The following LRFN2 variants were observed in gnomAD, a reference collection of about 807,000 sequenced individuals.
LRFN2 encodes the protein leucine-rich repeat and fibronectin type-III domain-containing protein 2.
Under a neutral mutation model 37.3 loss-of-function variants are expected in LRFN2, and 18 were observed. That is an observed-to-expected ratio of 0.48 (90% CI 0.33 to 0.72). The LOEUF is 0.72. Ranked by LOEUF, LRFN2 falls within the 30% of genes least tolerant of loss-of-function variation. The probability of loss-of-function intolerance (pLI) is 0.02; values close to 1 mark genes in which losing one functional copy is unlikely to be tolerated. For missense variants in LRFN2, 1,006 were observed against 1,060.7 expected, an observed-to-expected ratio of 0.95 and a Z score of 0.72; for synonymous variants, 556 against 466.6, an observed-to-expected ratio of 1.19 and a Z score of -2.47.
At chr6:40,558,923 C>T (rs1179467070) in intron 1 of LRFN2, among the ~76,000 whole-genome samples, 4 of 152,176 alleles carry the variant, frequency 2.6e-5, no homozygotes, top group African/African-American at 9.6e-5. Context: ...AGGATGCATG[C>T]TTGAGAGTAG....
At chr6:40,468,590 GTAGT>G (rs1764524685) in intron 1 of LRFN2, among the ~76,000 whole-genome samples, 4 of 151,856 alleles carry the variant, frequency 2.6e-5, no homozygotes, top group Non-Finnish European at 5.9e-5. Flanking sequence ...AGCGCAAAGA[GTAGT>G]GAGATTAAAC....
At chr6:40,510,631 C>T (rs1327825464) in intron 1 of LRFN2, among the ~76,000 whole-genome samples, 2 of 152,246 alleles carry the variant, frequency 1.3e-5, no homozygotes, top group African/African-American at 4.8e-5. Flanking sequence ...AGGGAGTTTA[C>T]ATTCAAACAC....
chr6:40,511,604 G>A (rs1280489368), intron 1 of LRFN2, among the ~76,000 whole-genome samples: 1 of 152,118 alleles, frequency 6.6e-6, no homozygotes, highest in Non-Finnish European at 1.5e-5. Context: ...GAGACATTAT[G>A]GCAAGAGGGA....
chr6:40,438,548 C>T (rs983998759), intron 1 of LRFN2, among the ~76,000 whole-genome samples: 19 of 152,190 alleles, frequency 1.2e-4, no homozygotes, highest in African/African-American at 4.6e-4. Flanking sequence ...CTGGACAGAA[C>T]CACAATTTAA....
At chr6:40,521,351 C>G (rs1337576222) in intron 1 of LRFN2, among the ~76,000 whole-genome samples, 1 of 152,140 alleles carries the variant, frequency 6.6e-6, no homozygotes, top group Non-Finnish European at 1.5e-5. Flanking sequence ...GTCCCAGGCA[C>G]CTGTAAGCTG....
intron 1 of LRFN2, among the ~76,000 whole-genome samples, chr6:40,500,610 T>C (rs1036131666): frequency 6.6e-6 from 1 of 152,228 alleles, no homozygotes; most frequent in African/African-American, 2.4e-5. Flanking sequence ...ATAGTGTTGT[T>C]TGTAATAACG....
intron 1 of LRFN2, among the ~76,000 whole-genome samples, chr6:40,440,446 G>A (rs1016817251): frequency 6.6e-6 from 1 of 152,192 alleles, no homozygotes; most frequent in Non-Finnish European, 1.5e-5. Flanking sequence ...ACCTGGCACT[G>A]AGTAGGCACC....
At chr6:40,479,307 A>G (rs1472060266) in intron 1 of LRFN2, among the ~76,000 whole-genome samples, 1 of 152,174 alleles carries the variant, frequency 6.6e-6, no homozygotes, top group Non-Finnish European at 1.5e-5. Context: ...CAGCCTAGTC[A>G]TAGCAACCAC....
In LRFN2 at chr6:40,446,351, A is replaced by G. The variant is rs1262246737; in HGVS notation, c.-18-13220T>C. On this transcript the variant is annotated intron_variant, in intron 1 of 2. Coordinates refer to ENST00000338305, the MANE Select transcript of LRFN2 (RefSeq NM_020737.3). ...TCCAAGGCAAAAGTGGCTAGGGCCC[A>G]CGAAGGCCATAATGCAGCCCTGCTC... Among the ~76,000 whole-genome samples the G allele has an allele frequency of 3.3e-5, 5 of 152,350 alleles. No individual in the cohort carries two copies. In the East Asian group the frequency reaches 9.7e-4, roughly 29 times the overall value.
chr6:40,441,843 G>A (rs189130007), intron 1 of LRFN2, among the ~76,000 whole-genome samples: 7 of 152,272 alleles, frequency 4.6e-5, no homozygotes, highest in African/African-American at 1.7e-4. Flanking sequence ...CACTGCCCAT[G>A]TTTCAAGCAT....
intron 1 of LRFN2, among the ~76,000 whole-genome samples, chr6:40,523,317 C>T (rs967184753): frequency 2.6e-5 from 4 of 152,068 alleles, no homozygotes; most frequent in East Asian, 1.9e-4. Context: ...CTTGATGCAT[C>T]GCCCACCTAA....
At chr6:40,583,102 G>A (rs1168737143) in intron 1 of LRFN2, among the ~76,000 whole-genome samples, 3 of 151,946 alleles carry the variant, frequency 2.0e-5, no homozygotes, top group Non-Finnish European at 2.9e-5. Context: ...CGCCCCCAAG[G>A]GGGCAAAAAT....
intron 2 of LRFN2, among the ~76,000 whole-genome samples, chr6:40,416,749 A>G (rs76615228): frequency 0.019 from 2,875 of 152,208 alleles, 92 homozygotes; most frequent in African/African-American, 0.065. Flanking sequence ...CTGCTAGGGC[A>G]TCCACTGTGC....
rs142708188 is a variant in LRFN2 at position 40,392,740 on chromosome 6, T to G, written c.1573A>C (p.Met525Leu). 1.2e-6 allele frequency: 2 copies of G among 1,613,992 alleles called. No individual in the cohort carries two copies. Among genetic ancestry groups the G allele is most frequent in the Admixed American group, 3.3e-5 (2 of 60,002 alleles). The change falls in exon 3 of 3, where the codon ATG (methionine) becomes CTG (leucine). Residue 525 changes from methionine (M) to leucine (L), a missense_variant. Coordinates refer to ENST00000338305, the MANE Select transcript of LRFN2 (RefSeq NM_020737.3). The surrounding 1 kb of genome is among the most constrained non-coding windows in gnomAD (Gnocchi z 4.7). ...GTGCCGCCCAGAATCTGGCTGTGCA[T>G]GGACTGGCACTGCGGGTAGTCAGCC... is the stretch of plus-strand genomic sequence containing the variant. Reference protein sequence around the residue: ...TKADYPQCQSMHSQILGGTMI... With the variant: ...TKADYPQCQSLHSQILGGTMI...
chr6:40,446,626 A>G (rs112046430), intron 1 of LRFN2, among the ~76,000 whole-genome samples: 52 of 152,226 alleles, frequency 3.4e-4, no homozygotes, highest in African/African-American at 1.2e-3. Flanking sequence ...GCTGAGCTCC[A>G]TACAGAATCT....
chr6:40,443,896 G>C (rs893133564), intron 1 of LRFN2, among the ~76,000 whole-genome samples: 3 of 152,186 alleles, frequency 2.0e-5, no homozygotes, highest in Non-Finnish European at 4.4e-5. Context: ...TCAGGGCATA[G>C]CCATGGGAGA....
intron 1 of LRFN2, among the ~76,000 whole-genome samples, chr6:40,456,534 C>T (rs1764240046): frequency 6.6e-6 from 1 of 152,136 alleles, no homozygotes. Context: ...TGGCCAAGGC[C>T]ACAAAATAAT....
At chr6:40,498,580 A>G (rs770229691) in intron 1 of LRFN2, among the ~76,000 whole-genome samples, 3 of 152,256 alleles carry the variant, frequency 2.0e-5, no homozygotes, top group Non-Finnish European at 4.4e-5. Context: ...TTCAGGCACC[A>G]AGATATCCAA....
chr6:40,481,439 CAAAAAA>C (rs11384253), intron 1 of LRFN2, among the ~76,000 whole-genome samples: 1 of 119,356 alleles, frequency 8.4e-6, no homozygotes, highest in Non-Finnish European at 1.7e-5. Flanking sequence ...AAGATTGTCT[CAAAAAA>C]AAAAAAAAAA....
Sources: allele counts gnomAD v4.1 joint callset (sites outside exome capture counted in the v4.1 genomes callset), GRCh38; gene constraint gnomAD v4.1.1; non-coding constraint Gnocchi (gnomAD v3.1); transcripts MANE v1.5; gene names NCBI Gene and HGNC (gene_info 2026-07-23, HGNC 2026-07-21).